Variants in DNER observed in about 807,000 individuals in gnomAD.
The protein encoded by DNER is delta/notch like EGF repeat containing.
DNER carries 33 observed loss-of-function variants against 78.2 expected under a neutral mutation model. That is an observed-to-expected ratio of 0.42 (90% confidence interval 0.32 to 0.56). The LOEUF (loss-of-function observed/expected upper bound fraction) is 0.56, where lower values mean the gene tolerates loss of function less well. Among genes scored for constraint, DNER ranks in the 20% least tolerant of loss-of-function variants. The pLI, the probability that DNER is intolerant of heterozygous loss-of-function variation, is 0.11. For missense variants in DNER, 918 were observed against 975.3 expected (o/e 0.94, Z 0.78); for synonymous variants, 417 against 384.8 (o/e 1.08, Z -0.98).
chr2:229,417,878 C>T (rs557450713), intron 9 of DNER, among the ~76,000 whole-genome samples: 60 of 152,196 alleles, frequency 3.9e-4, no homozygotes, highest in South Asian at 4.2e-4. Context: ...AAAAAGAAAG[C>T]GAGGATCCAC....
chr2:229,387,969 CATGAGTAGCAGTGAACTCTGG>C (rs929533041), intron 11 of DNER, among the ~76,000 whole-genome samples: 1 of 151,790 alleles, frequency 6.6e-6, no homozygotes, highest in Non-Finnish European at 1.5e-5. Flanking sequence ...TTTTTGGCTG[CATGAGTAGCAGTGAACTCTGG>C]ATGACATCTG....
intron 1 of DNER, among the ~76,000 whole-genome samples, chr2:229,614,083 C>T (rs943487503): frequency 3.3e-5 from 5 of 151,210 alleles, no homozygotes; most frequent in African/African-American, 4.9e-5. Context: ...TGCTAAATGA[C>T]GAGTTAATGG....
intron 4 of DNER, among the ~76,000 whole-genome samples, chr2:229,567,538 G>A (rs1156964225): frequency 6.6e-6 from 1 of 152,168 alleles, no homozygotes; most frequent in Non-Finnish European, 1.5e-5. Context: ...GAACCAACTG[G>A]CTAACGGCTT....
chr2:229,529,169 T>C (rs570897823), intron 5 of DNER, among the ~76,000 whole-genome samples: 55 of 152,346 alleles, frequency 3.6e-4, no homozygotes, highest in Non-Finnish European at 6.8e-4. Flanking sequence ...CCTGCTGCTT[T>C]TGATTCTAGA....
intron 1 of DNER, among the ~76,000 whole-genome samples, chr2:229,682,047 G>A (rs545460946): frequency 6.6e-6 from 1 of 152,152 alleles, no homozygotes. Context: ...TGAAATGTAA[G>A]CAAGAGGGCA....
intron 1 of DNER, among the ~76,000 whole-genome samples, chr2:229,635,602 G>T (rs1040816032): frequency 9.2e-5 from 14 of 152,116 alleles, no homozygotes; most frequent in Non-Finnish European, 1.8e-4. Flanking sequence ...AGCATAATTG[G>T]AATGGTTTTG....
At chr2:229,551,799 G>C (rs1376913435) in intron 4 of DNER, among the ~76,000 whole-genome samples, 1 of 152,114 alleles carries the variant, frequency 6.6e-6, no homozygotes, top group Non-Finnish European at 1.5e-5. Context: ...GGGCATGGTG[G>C]TGGGTGCCTG....
intron 1 of DNER, among the ~76,000 whole-genome samples, chr2:229,618,736 T>C (rs1224971937): frequency 6.6e-6 from 1 of 152,234 alleles, no homozygotes; most frequent in Non-Finnish European, 1.5e-5. Flanking sequence ...AATTTTTAGG[T>C]ATGCCAATTC....
chr2:229,431,070 C>A (rs562332417), intron 8 of DNER, among the ~76,000 whole-genome samples: 2 of 152,066 alleles, frequency 1.3e-5, no homozygotes, highest in South Asian at 4.2e-4. Flanking sequence ...AAAAGAAAAT[C>A]TTTGAAGATG....
intron 8 of DNER, among the ~76,000 whole-genome samples, chr2:229,440,775 C>A (rs1694216915): frequency 6.6e-6 from 1 of 152,174 alleles, no homozygotes; most frequent in Admixed American, 6.5e-5. Context: ...CAGAGGGGTC[C>A]TTTGACTCCA....
intron 7 of DNER, among the ~76,000 whole-genome samples, chr2:229,469,196 C>A (rs746025739): frequency 1.3e-5 from 2 of 152,194 alleles, no homozygotes; most frequent in Admixed American, 1.3e-4. Flanking sequence ...CTGTCCTCAA[C>A]GAGCCCAGAG....
intron 5 of DNER, among the ~76,000 whole-genome samples, chr2:229,524,285 T>G (rs1453986596): frequency 1.3e-5 from 2 of 152,204 alleles, no homozygotes; most frequent in African/African-American, 4.8e-5. Flanking sequence ...GCAAGTAATT[T>G]ATATTATTTA....
At chr2:229,409,405 G>T (rs1315521112) in intron 9 of DNER, among the ~76,000 whole-genome samples, 1 of 152,172 alleles carries the variant, frequency 6.6e-6, no homozygotes, top group African/African-American at 2.4e-5. Context: ...TGAAGTCAAA[G>T]AAATCAAATG....
Position 229,586,552 on chromosome 2 carries a change from A to AAC in DNER, c.681-529_681-528insGT, listed in dbSNP as rs1559174498. The AAC allele has an allele frequency of 3.0e-5, 3 of 99,098 alleles. 1 individual carries two copies. The highest frequency in any genetic ancestry group is 2.6e-4 in the African/African-American group (3 of 11,430). The allele number at this position is 99,098 out of a possible 1,614,324, so 6.1% of individuals were successfully genotyped here. On this transcript the variant is annotated intron_variant, in intron 3 of 12. Coordinates refer to ENST00000341772, the MANE Select transcript of DNER (RefSeq NM_139072.4). The stretch of plus-strand genomic sequence containing the variant: ...AAAAAAAAAAAAAAAAAAAAAAAAC[A>AAC]CACAAAACCACCCCACAGAGAATAG...
At chr2:229,383,016 G>C (rs207661) in intron 11 of DNER, among the ~76,000 whole-genome samples, 4,334 of 152,234 alleles carry the variant, frequency 0.028, 204 homozygotes, top group African/African-American at 0.098. Context: ...CAGAGAGAAA[G>C]GTCGGGTTAC....
At chr2:229,414,377 G>T (rs6711664) in intron 9 of DNER, among the ~76,000 whole-genome samples, 1 of 151,828 alleles carries the variant, frequency 6.6e-6, no homozygotes, top group Non-Finnish European at 1.5e-5. Flanking sequence ...AGCAGTTCCC[G>T]TGCCTCAGCC....
chr2:229,502,417 C>A (rs1194624858), intron 6 of DNER, among the ~76,000 whole-genome samples: 3 of 147,956 alleles, frequency 2.0e-5, no homozygotes, highest in Non-Finnish European at 4.5e-5. Flanking sequence ...CACATAATGC[C>A]AAAACTGTAC....
intron 8 of DNER, among the ~76,000 whole-genome samples, chr2:229,436,156 T>C (rs1366403983): frequency 1.3e-5 from 2 of 152,182 alleles, no homozygotes; most frequent in Non-Finnish European, 2.9e-5. Flanking sequence ...TGTGTCCATA[T>C]GTACTCGAAG....
At chr2:229,612,319 T>C (rs1249352539) in intron 1 of DNER, among the ~76,000 whole-genome samples, 1 of 152,118 alleles carries the variant, frequency 6.6e-6, no homozygotes, top group Non-Finnish European at 1.5e-5. Context: ...GAGTCCACTG[T>C]TGGGGATCAG....
Sources: allele counts gnomAD v4.1 joint callset (sites outside exome capture counted in the v4.1 genomes callset), GRCh38; gene constraint gnomAD v4.1.1; transcripts MANE v1.5; gene names NCBI Gene and HGNC (gene_info 2026-07-23, HGNC 2026-07-21).